CDH4: variants seen among roughly 807,000 people sequenced by gnomAD.
The protein encoded by CDH4 is cadherin-4.
Under a neutral mutation model 86.0 loss-of-function variants are expected in CDH4, and 33 were observed. That is an observed-to-expected ratio of 0.38 (90% CI 0.29 to 0.51). The LOEUF (loss-of-function observed/expected upper bound fraction) is 0.51. CDH4 is among the 20% of genes least tolerant of loss of function. The probability of loss-of-function intolerance (pLI) is 0.86; values close to 1 mark genes in which losing one functional copy is unlikely to be tolerated. For missense variants in CDH4, 1,114 were observed against 1,307.4 expected (o/e 0.85, Z 2.28); for synonymous variants, 555 against 549.4 (o/e 1.01, Z -0.14).
intron 2 of CDH4, among the ~76,000 whole-genome samples, chr20:61,622,481 A>G (rs975372293): frequency 5.9e-5 from 9 of 152,268 alleles, no homozygotes; most frequent in Non-Finnish European, 1.0e-4. Context: ...GCTTGGCTGC[A>G]GCATCCGAGG....
chr20:61,877,707 C>T (rs1207487210), intron 7 of CDH4, among the ~76,000 whole-genome samples: 1 of 152,144 alleles, frequency 6.6e-6, no homozygotes, highest in Non-Finnish European at 1.5e-5. Flanking sequence ...ACATTCGATT[C>T]CAGGAAGATC....
At chr20:61,422,798 G>T (rs1256546972) in intron 2 of CDH4, among the ~76,000 whole-genome samples, 4 of 152,158 alleles carry the variant, frequency 2.6e-5, no homozygotes, top group Non-Finnish European at 4.4e-5. Flanking sequence ...GGGCATGTGG[G>T]TGTGTCATGT....
intron 2 of CDH4, among the ~76,000 whole-genome samples, chr20:61,585,662 T>C (rs1600783101): frequency 6.7e-6 from 1 of 149,722 alleles, no homozygotes; most frequent in South Asian, 2.1e-4. Flanking sequence ...ATGGTGATGG[T>C]GATTGTGATG....
chr20:61,546,015 G>C (rs1422845812), intron 2 of CDH4, among the ~76,000 whole-genome samples: 1 of 31,590 alleles, frequency 3.2e-5, no homozygotes, highest in Non-Finnish European at 6.2e-5. Flanking sequence ...GAGGGGGTAT[G>C]TGGGATACGG....
At chr20:61,382,606 A>G (rs2084909530) in intron 2 of CDH4, among the ~76,000 whole-genome samples, 1 of 152,250 alleles carries the variant, frequency 6.6e-6, no homozygotes, top group Non-Finnish European at 1.5e-5. Context: ...TCTGGAGACC[A>G]GAAGTCTGAA....
intron 4 of CDH4, among the ~76,000 whole-genome samples, chr20:61,818,755 C>A (rs1350317664): frequency 6.6e-6 from 1 of 151,602 alleles, no homozygotes; most frequent in Non-Finnish European, 1.5e-5. Flanking sequence ...TGTTTCAGGC[C>A]CCAGCAGATC....
chr20:61,871,765 T>G (rs927035499), intron 6 of CDH4, among the ~76,000 whole-genome samples: 6 of 152,252 alleles, frequency 3.9e-5, no homozygotes, highest in African/African-American at 7.2e-5. Flanking sequence ...CCCACCCGTT[T>G]GCTTACTGCA....
chr20:61,761,191 G>A (rs977388643), intron 3 of CDH4, among the ~76,000 whole-genome samples: 1 of 151,798 alleles, frequency 6.6e-6, no homozygotes, highest in African/African-American at 2.4e-5. Context: ...ATCATCCTCA[G>A]TAAATATCCG....
intron 2 of CDH4, chr20:61,499,514 G>A (rs1177892543): frequency 7.8e-7 from 1 of 1,288,940 alleles, no homozygotes; most frequent in East Asian, 5.6e-5. Context: ...TGTGCTAGGG[G>A]GGCTTAGGGT....
intron 2 of CDH4, among the ~76,000 whole-genome samples, chr20:61,698,410 C>T (rs896203775): frequency 3.9e-5 from 6 of 152,224 alleles, no homozygotes; most frequent in East Asian, 3.9e-4. Flanking sequence ...AAGTGGGAGC[C>T]GCAGCCCTGC....
Position 61,653,728 on chromosome 20 carries a change from G to A in CDH4, c.170-89835G>A, listed in dbSNP as rs1422558123. Among the ~76,000 whole-genome samples the A allele has an allele frequency of 4.4e-5, 5 of 112,412 alleles. 2 individuals carry two copies. The highest frequency in any genetic ancestry group is 2.8e-4 in the South Asian group (1 of 3,634). The allele number at this position is 112,412 out of a possible 152,430, so 73.7% of individuals were successfully genotyped here. Reference sequence around the variant, plus strand: ...GACGGGGTCGCAGCCGGGCAGAGGCGCTCCTCACATCCCAGACGGGGCGGC... The same window carrying A: ...GACGGGGTCGCAGCCGGGCAGAGGCACTCCTCACATCCCAGACGGGGCGGC... On this transcript the variant is annotated intron_variant, in intron 2 of 15. Transcript: ENST00000614565.
rs1041013021 is a variant in CDH4, at chr20:61,392,176, G to A, written c.169+137239G>A. 1.3e-5 allele frequency among the ~76,000 whole-genome samples: 2 copies of A among 151,778 alleles called. No individual in the cohort carries two copies. Among genetic ancestry groups the A allele is most frequent in the African/African-American group, 4.8e-5 (2 of 41,338 alleles). ...AACCCGGGCATGTGACACGGTCACA[G>A]GGACTCCTCCAGTGGTTTAACGTGC... is the stretch of plus-strand genomic sequence containing the variant. On this transcript the variant is annotated intron_variant, in intron 2 of 15. Coordinates refer to ENST00000614565, the MANE Select transcript of CDH4 (RefSeq NM_001794.5). This position sits in a 1 kb window ranked among gnomAD's most constrained non-coding sequence, Gnocchi z 5.7.
intron 2 of CDH4, among the ~76,000 whole-genome samples, chr20:61,346,055 C>T (rs1243654498): frequency 6.6e-6 from 1 of 152,192 alleles, no homozygotes; most frequent in South Asian, 2.1e-4. Flanking sequence ...AATAAATGCT[C>T]ACGCGGGACA....
chr20:61,856,819 G>C (rs554129662), intron 6 of CDH4, among the ~76,000 whole-genome samples: 1 of 152,226 alleles, frequency 6.6e-6, no homozygotes, highest in Non-Finnish European at 1.5e-5. Context: ...TGAGCAGGAG[G>C]CAGACCCCAC....
At chr20:61,602,869 G>A (rs144108639) in intron 2 of CDH4, among the ~76,000 whole-genome samples, 234 of 152,272 alleles carry the variant, frequency 1.5e-3, no homozygotes, top group African/African-American at 5.2e-3. Context: ...CTTGATGAAC[G>A]TGTTACGGTT....
chr20:61,714,105 G>A (rs527571223), intron 2 of CDH4, among the ~76,000 whole-genome samples: 11 of 150,276 alleles, frequency 7.3e-5, no homozygotes, highest in African/African-American at 2.7e-4. Flanking sequence ...GGAGTGCAGT[G>A]GCGTGATCTT....
intron 9 of CDH4, among the ~76,000 whole-genome samples, chr20:61,921,573 G>GT (rs1459197761): frequency 2.6e-5 from 4 of 152,156 alleles, no homozygotes; most frequent in Non-Finnish European, 5.9e-5. Flanking sequence ...TCAACATAGT[G>GT]AAACCTCGTC....
chr20:61,721,191 A>T (rs1276920836), intron 2 of CDH4, among the ~76,000 whole-genome samples: 1 of 152,210 alleles, frequency 6.6e-6, no homozygotes, highest in Non-Finnish European at 1.5e-5. Context: ...AGCAGCCAGA[A>T]GGGTCCAGTC....
At chr20:61,771,621 C>A (rs868863962) in intron 3 of CDH4, among the ~76,000 whole-genome samples, 601 of 109,734 alleles carry the variant, frequency 5.5e-3, no homozygotes, top group Middle Eastern at 0.01. Flanking sequence ...GACTCCATCT[C>A]AAAAAAAAAA....
Sources: allele counts gnomAD v4.1 joint callset (sites outside exome capture counted in the v4.1 genomes callset), GRCh38; gene constraint gnomAD v4.1.1; non-coding constraint Gnocchi (gnomAD v3.1); transcripts MANE v1.5; gene names NCBI Gene and HGNC (gene_info 2026-07-23, HGNC 2026-07-21).